SEC23B: variants seen among roughly 807,000 people sequenced by gnomAD.
The protein encoded by SEC23B is protein transport protein Sec23B.
A neutral mutation model predicts 104.3 loss-of-function variants in SEC23B; 77 were observed. The ratio of observed to expected loss-of-function variants is 0.74; its 90% CI spans 0.61 to 0.89. The LOEUF is 0.89. SEC23B is among the 40% of genes least tolerant of loss of function. The pLI is 0.00. For missense variants in SEC23B, 885 were observed against 949.4 expected, an observed-to-expected ratio of 0.93 and a Z score of 0.89; for synonymous variants, 338 against 332.5, an observed-to-expected ratio of 1.02 and a Z score of -0.18.
At chr20:18,514,272 T>C (rs944851507) in intron 3 of SEC23B, among the ~76,000 whole-genome samples, 24 of 152,328 alleles carry the variant, frequency 1.6e-4, no homozygotes, top group African/African-American at 5.8e-4. Flanking sequence ...TCTGTGCAGC[T>C]GGCTGACTGC....
Position 18,542,385 on chromosome 20 carries a change from G to C in SEC23B, c.1494G>C (p.Val498=). Residue 498 remains valine (V), a synonymous_variant, in exon 13 of 20, where the codon GTG becomes GTC. Coordinates refer to ENST00000650089, the MANE Select transcript of SEC23B (RefSeq NM_006363.6). ...QHSSTQRRIR[V]TTIARNWADV... is the part of the protein sequence containing the mutation. ...CCAGCACCCAGAGACGCATCCGCGT[G>C]ACCACCATCGCCCGAAAGTAAGCAG... 6.2e-7 allele frequency: 1 copy of C among 1,614,178 alleles called. No homozygotes were observed. The highest frequency in any genetic ancestry group is 8.5e-7 in the Non-Finnish European group (1 of 1,180,010).
At chr20:18,507,907 G>A (rs886056524), upstream of SEC23B, 1 of 152,594 alleles carries the variant, frequency 6.6e-6, no homozygotes, top group African/African-American at 2.4e-5. Context: ...TGAGAGCTGA[G>A]CTGGACTTGG....
rs147036760 is a variant in SEC23B, at chr20:18,542,394, C to T, written c.1503C>T (p.Ile501=). 1.2e-3 allele frequency: 1,949 copies of T among 1,614,036 alleles called. 28 individuals carry two copies. In the African/African-American group the frequency reaches 0.021, roughly 18 times the overall value. The change falls in exon 13 of 20, where the codon ATC becomes ATT. Residue 501 remains isoleucine, a synonymous_variant. Transcript: ENST00000650089. ...AGAGACGCATCCGCGTGACCACCATCGCCCGAAAGTAAGCAGCCCCAGTTT... is the reference window on the plus strand; with the variant it reads ...AGAGACGCATCCGCGTGACCACCATTGCCCGAAAGTAAGCAGCCCCAGTTT... The part of the protein sequence containing the change: ...STQRRIRVTT[I]ARNWADVQSQ...
chr20:18,531,422 C>T (rs971179266), intron 10 of SEC23B, among the ~76,000 whole-genome samples: 2 of 151,836 alleles, frequency 1.3e-5, no homozygotes, highest in African/African-American at 2.4e-5. Context: ...TTTGGCAGGC[C>T]GAGGTGGGCG....
At chr20:18,538,725 G>A (rs771161460) in intron 12 of SEC23B, among the ~76,000 whole-genome samples, 2 of 152,114 alleles carry the variant, frequency 1.3e-5, no homozygotes, top group Admixed American at 6.6e-5. Flanking sequence ...TATCAACTAA[G>A]TTTATGTAAT....
At position 18,508,716 on chromosome 20, in the gene SEC23B, CTT is replaced by C. The variant is rs398035473; in HGVS notation, c.-15+764_-15+765del. 5.6e-3 allele frequency among the ~76,000 whole-genome samples: 547 copies of C among 97,466 alleles called. 1 individual carries two copies. Among genetic ancestry groups the C allele is most frequent in the Middle Eastern group, 8.2e-3 (1 of 122 alleles). 63.9% of individuals were successfully genotyped at this position (97,466 alleles called of 152,430 possible). ...AACCATTAGATGGAGGCAGTAGCTTCTTTTTTTTTTTTTTTTTTTTTGAGATG... is the reference window on the plus strand; with the variant it reads ...AACCATTAGATGGAGGCAGTAGCTTCTTTTTTTTTTTTTTTTTTTGAGATG... On this transcript the variant is annotated intron_variant, in intron 1 of 19. Transcript: ENST00000650089.
intron 4 of SEC23B, among the ~76,000 whole-genome samples, chr20:18,518,706 T>C (rs184156209): frequency 7.5e-5 from 11 of 146,956 alleles, no homozygotes; most frequent in African/African-American, 2.3e-4. Flanking sequence ...AAACTGGCCA[T>C]GAGGGACAGA....
chr20:18,554,231 G>A lies in SEC23B; in HGVS notation c.1993-4G>A. 1 of 1,614,176 alleles carries A rather than the reference G, an allele frequency of 6.2e-7. No homozygotes were observed. Among genetic ancestry groups the A allele is most frequent in the African/African-American group, 1.3e-5 (1 of 75,042 alleles). ...ATAGTTTTGGTTGGTTTGTTTCTGT[G>A]TAGACCATAGCCCAGTGGCGTAAAG... On this transcript the variant is annotated splice_region_variant and splice_polypyrimidine_tract_variant and intron_variant, in intron 17 of 19. Transcript: ENST00000650089.
chr20:18,515,989 G>A, intron 4 of SEC23B: 1 of 464,622 alleles, frequency 2.2e-6, no homozygotes. Flanking sequence ...CTCAGTTGAT[G>A]GTACTCCATC....
chr20:18,545,495 AC>A (rs1216052799), intron 14 of SEC23B, among the ~76,000 whole-genome samples: 1 of 152,194 alleles, frequency 6.6e-6, no homozygotes, highest in Non-Finnish European at 1.5e-5. Flanking sequence ...TTCTTTAGTG[AC>A]CAGAAATGTG....
chr20:18,559,080 TG>T (rs71194250), intron 19 of SEC23B, among the ~76,000 whole-genome samples: 2 of 121,408 alleles, frequency 1.6e-5, no homozygotes, highest in South Asian at 5.5e-4. Flanking sequence ...AGGTGGTTGG[TG>T]GGGGGGGTGT....
At chr20:18,539,123 G>A (rs528230402) in intron 12 of SEC23B, among the ~76,000 whole-genome samples, 4 of 150,806 alleles carry the variant, frequency 2.7e-5, no homozygotes, top group Non-Finnish European at 5.9e-5. Context: ...TGAGGCAGGA[G>A]AATTGCTTAA....
chr20:18,525,580 A>G (rs2060126654), intron 6 of SEC23B, among the ~76,000 whole-genome samples: 1 of 152,224 alleles, frequency 6.6e-6, no homozygotes, highest in African/African-American at 2.4e-5. Context: ...CAACATAAGT[A>G]AATTGCTAAG....
chr20:18,514,441 T>G (rs1426968084), intron 3 of SEC23B, among the ~76,000 whole-genome samples: 1 of 152,114 alleles, frequency 6.6e-6, no homozygotes, highest in African/African-American at 2.4e-5. Flanking sequence ...TTGCTGGGGC[T>G]CGCAAGCTCA....
rs2060018913 is a variant in SEC23B, at chr20:18,515,706, C to T, written c.336C>T (p.Pro112=). The stretch of plus-strand genomic sequence containing the variant: ...TGAATCAACCTGCCGAATTGATGCC[C>T]CAGTTTTCTACAATTGAGTACGTGA... The part of the protein sequence containing the change: ...SEVNQPAELM[P]QFSTIEYVIQ... The change falls in exon 4 of 20, where the codon CCC becomes CCT. Residue 112 remains proline, a synonymous_variant. Coordinates refer to ENST00000650089, the MANE Select transcript of SEC23B (RefSeq NM_006363.6). 1 of 1,609,744 alleles carries T rather than the reference C, an allele frequency of 6.2e-7. No individual in the cohort carries two copies. The highest frequency in any genetic ancestry group is 1.1e-5 in the South Asian group (1 of 90,976).
Position 18,526,550 on chromosome 20 carries a change from G to A in SEC23B, c.993+19G>A, listed in dbSNP as rs144225458. ...AACCAAGGTAGGTGCTCTTGGGTATGGGCTGTAATTCTGAAAGCCCATTGT... is the reference window on the plus strand; with the variant it reads ...AACCAAGGTAGGTGCTCTTGGGTATAGGCTGTAATTCTGAAAGCCCATTGT... On this transcript the variant is annotated intron_variant, in intron 8 of 19. Coordinates refer to ENST00000650089, the MANE Select transcript of SEC23B (RefSeq NM_006363.6). The A allele has an allele frequency of 4.6e-3, 7,410 of 1,613,834 alleles. 68 individuals are homozygous for A. Among genetic ancestry groups the A allele is most frequent in the South Asian group, 0.02 (1,807 of 91,038 alleles).
intron 14 of SEC23B, among the ~76,000 whole-genome samples, chr20:18,545,352 G>C (rs1031446340): frequency 6.6e-6 from 1 of 152,132 alleles, no homozygotes; most frequent in Non-Finnish European, 1.5e-5. Flanking sequence ...AGAAAGTTTC[G>C]AGACATTTGG....
chr20:18,547,221 G>T (rs1268589853), intron 15 of SEC23B, among the ~76,000 whole-genome samples: 1 of 152,110 alleles, frequency 6.6e-6, no homozygotes, highest in Non-Finnish European at 1.5e-5. Context: ...ACACTCAGTA[G>T]TGGGGTGACC....
chr20:18,547,528 G>A (rs1179185760), intron 15 of SEC23B, among the ~76,000 whole-genome samples: 2 of 152,116 alleles, frequency 1.3e-5, no homozygotes, highest in African/African-American at 2.4e-5. Flanking sequence ...CCTCGAGGGC[G>A]AGAACCTATG....
Sources: allele counts gnomAD v4.1 joint callset (sites outside exome capture counted in the v4.1 genomes callset), GRCh38; gene constraint gnomAD v4.1.1; transcripts MANE v1.5; gene names NCBI Gene and HGNC (gene_info 2026-07-23, HGNC 2026-07-21).